The following DIAPH3 variants were observed in gnomAD, a reference collection of about 807,000 sequenced individuals.
DIAPH3 encodes protein diaphanous homolog 3.
DIAPH3 carries 117 observed loss-of-function variants against 144.3 expected under a neutral mutation model. That is an observed-to-expected ratio of 0.81 (90% CI 0.70 to 0.95). The LOEUF (loss-of-function observed/expected upper bound fraction) is 0.95. Ranked by LOEUF, DIAPH3 falls within the 40% of genes least tolerant of loss-of-function variation. The pLI is 0.00. For synonymous variants in DIAPH3, 519 were observed against 488.9 expected (o/e 1.06, Z -0.81); for missense variants, 1,421 against 1,412.7 (o/e 1.01, Z -0.09).
chr13:60,030,397 A>C lies in DIAPH3; in HGVS notation c.626+12293T>G, dbSNP rs1441480365. Among the ~76,000 whole-genome samples the C allele has an allele frequency of 3.3e-5, 5 of 152,198 alleles. No individual in the cohort carries two copies. In the East Asian group the frequency reaches 5.8e-4, roughly 18 times the overall value. On this transcript the variant is annotated intron_variant, in intron 5 of 27. Coordinates refer to ENST00000400324, the MANE Select transcript of DIAPH3 (RefSeq NM_001042517.2). ...AAAGGAATCGCAACAATTTAAGAAA[A>C]GAAATCCTTGCACCTCATCTAGTAT...
At chr13:59,868,005 CAA>C (rs1401854170) in intron 21 of DIAPH3, among the ~76,000 whole-genome samples, 1 of 152,066 alleles carries the variant, frequency 6.6e-6, no homozygotes, top group Non-Finnish European at 1.5e-5. Context: ...CTCCACCTAA[CAA>C]AAACACTCTC....
At chr13:59,723,788 T>A (rs2035470173) in intron 27 of DIAPH3, among the ~76,000 whole-genome samples, 1 of 151,420 alleles carries the variant, frequency 6.6e-6, no homozygotes, top group Non-Finnish European at 1.5e-5. Context: ...TTTTTTTTTG[T>A]ATTTTTAGTA....
At chr13:60,010,752 A>AC in intron 7 of DIAPH3, 83 bp from the exon 8 acceptor site, 1 of 1,377,546 alleles carries the variant, frequency 7.3e-7, no homozygotes, top group Non-Finnish European at 1.0e-6. Flanking sequence ...GTTATTAAAA[A>AC]AAATTTATAG....
intron 27 of DIAPH3, among the ~76,000 whole-genome samples, chr13:59,764,538 G>A (rs1053132840): frequency 5.3e-5 from 8 of 150,074 alleles, no homozygotes; most frequent in East Asian, 1.9e-4. Context: ...AATGTCAACC[G>A]TATTTGGAAA....
chr13:59,778,984 T>A (rs540625499), intron 25 of DIAPH3, among the ~76,000 whole-genome samples: 5 of 152,350 alleles, frequency 3.3e-5, no homozygotes, highest in African/African-American at 1.2e-4. Flanking sequence ...CAAACTCTTA[T>A]TCCTACCCCA....
Position 60,126,512 on chromosome 13 carries a change from C to G in DIAPH3, c.213+6445G>C, listed in dbSNP as rs574210490. 2.0e-5 allele frequency among the ~76,000 whole-genome samples: 3 copies of G among 152,114 alleles called. No homozygotes were observed. The East Asian group carries it at 5.8e-4, about 29-fold the overall frequency. On this transcript the variant is annotated intron_variant, in intron 2 of 27. Transcript: ENST00000400324. Reference sequence around the variant, plus strand: ...ACGGGAAAAATAAAATCTAAAATCACAGTGGGAGACTTCGATACTTCTCTC... The same window carrying G: ...ACGGGAAAAATAAAATCTAAAATCAGAGTGGGAGACTTCGATACTTCTCTC...
intron 1 of DIAPH3, among the ~76,000 whole-genome samples, chr13:60,156,937 ATATTT>A (rs1265288956): frequency 9.3e-4 from 50 of 53,716 alleles, no homozygotes; most frequent in African/African-American, 3.9e-3. Context: ...ATATATATAT[ATATTT>A]TTTTTTTTTT....
At chr13:59,833,077 A>G (rs757237807) in intron 24 of DIAPH3, 30 bp downstream of exon 24, 10 of 1,568,138 alleles carry the variant, frequency 6.4e-6, no homozygotes, top group Admixed American at 5.1e-5. Flanking sequence ...AAATAAAAAA[A>G]CTTTTTAAAA....
chr13:60,114,810 G>A (rs2058662160), intron 2 of DIAPH3, among the ~76,000 whole-genome samples: 1 of 151,922 alleles, frequency 6.6e-6, no homozygotes, highest in African/African-American at 2.4e-5. Flanking sequence ...TGATATGACA[G>A]CTAATTTCTC....
intron 25 of DIAPH3, among the ~76,000 whole-genome samples, chr13:59,792,671 C>T (rs573596301): frequency 6.6e-6 from 1 of 152,266 alleles, no homozygotes; most frequent in East Asian, 1.9e-4. Flanking sequence ...GTCATCTACC[C>T]ATGAAAATCT....
chr13:59,880,233 C>G (rs896779687), intron 20 of DIAPH3, among the ~76,000 whole-genome samples: 3 of 152,122 alleles, frequency 2.0e-5, no homozygotes, highest in African/African-American at 7.2e-5. Flanking sequence ...TATATCAACA[C>G]ACATGCAGGA....
chr13:59,812,951 C>T (rs1373191066), intron 24 of DIAPH3, among the ~76,000 whole-genome samples: 2 of 151,956 alleles, frequency 1.3e-5, no homozygotes, highest in Non-Finnish European at 2.9e-5. Context: ...GTAGTATCTC[C>T]CTCCTAAGCT....
At chr13:60,162,158 G>A (rs1297557862) in intron 1 of DIAPH3, among the ~76,000 whole-genome samples, 1 of 152,158 alleles carries the variant, frequency 6.6e-6, no homozygotes, top group Admixed American at 6.5e-5. Context: ...GGCATGCTGA[G>A]ATGGTCAATG....
intron 25 of DIAPH3, among the ~76,000 whole-genome samples, chr13:59,788,259 C>T (rs1322606830): frequency 2.0e-5 from 3 of 152,274 alleles, no homozygotes; most frequent in South Asian, 4.2e-4. Context: ...TCACTTCACA[C>T]ATTTGTTGCT....
intron 9 of DIAPH3, among the ~76,000 whole-genome samples, chr13:59,996,083 GT>G (rs2052171949): frequency 6.6e-6 from 1 of 151,944 alleles, no homozygotes; most frequent in African/African-American, 2.4e-5. Context: ...GTGTCAACTG[GT>G]CAAATAAAAC....
intron 9 of DIAPH3, among the ~76,000 whole-genome samples, chr13:60,005,130 C>T (rs2052773863): frequency 6.6e-6 from 1 of 152,148 alleles, no homozygotes; most frequent in South Asian, 2.1e-4. Flanking sequence ...TGTCGACTGA[C>T]AGCTGATAAA....
chr13:60,022,045 A>ATT (rs2054061079), intron 5 of DIAPH3, among the ~76,000 whole-genome samples: 1 of 152,112 alleles, frequency 6.6e-6, no homozygotes, highest in Non-Finnish European at 1.5e-5. Flanking sequence ...TTTTAATTTC[A>ATT]TTTTCTACAA....
chr13:60,084,139 A>G (rs1298997822), intron 4 of DIAPH3, among the ~76,000 whole-genome samples: 1 of 152,102 alleles, frequency 6.6e-6, no homozygotes, highest in Non-Finnish European at 1.5e-5. Flanking sequence ...ATTCCCATAA[A>G]AGTCAAGATG....
chr13:59,802,667 AT>A (rs71089516), intron 25 of DIAPH3, among the ~76,000 whole-genome samples: 38 of 23,756 alleles, frequency 1.6e-3, no homozygotes, highest in African/African-American at 5.0e-3. Context: ...TATTATTATT[AT>A]TTTTTTTTTT....
Sources: gnomAD v4.1 joint callset for allele counts (sites outside exome capture counted in the v4.1 genomes callset) on GRCh38, gnomAD v4.1.1 for gene constraint, MANE v1.5 for transcripts, NCBI Gene and HGNC (gene_info 2026-07-23, HGNC 2026-07-21) for gene names.